Variants in DRC8 observed in about 807,000 individuals in gnomAD.
DRC8 encodes dynein regulatory complex subunit 8.
the DRC8 span, among the ~76,000 whole-genome samples, chr1:245,070,226 C>T: frequency 1.3e-5 from 2 of 152,082 alleles, no homozygotes; most frequent in African/African-American, 4.8e-5. Context: ...ATTTTCCATG[C>T]CAATATTCTA....
the DRC8 span, among the ~76,000 whole-genome samples, chr1:245,000,180 A>G: frequency 1.3e-5 from 2 of 152,214 alleles, no homozygotes; most frequent in African/African-American, 4.8e-5. Flanking sequence ...TAATGATAAA[A>G]TAGATTAGTT....
chr1:245,049,673 C>T, the DRC8 span, among the ~76,000 whole-genome samples: 8 of 152,288 alleles, frequency 5.3e-5, no homozygotes, highest in Non-Finnish European at 7.3e-5. This position sits in a 1 kb window ranked among gnomAD's most constrained non-coding sequence, Gnocchi z 4.5. Context: ...CAACAATTTG[C>T]GGCCCTGGAT....
At chr1:245,004,349 G>A in the DRC8 span, among the ~76,000 whole-genome samples, 2 of 151,724 alleles carry the variant, frequency 1.3e-5, no homozygotes, top group Non-Finnish European at 2.9e-5. Context: ...AAAAACAAAA[G>A]TATACTGACA....
the DRC8 span, among the ~76,000 whole-genome samples, chr1:245,088,162 G>A: frequency 0.015 from 2,264 of 152,284 alleles, 55 homozygotes; most frequent in African/African-American, 0.051. This position sits in a 1 kb window ranked among gnomAD's most constrained non-coding sequence, Gnocchi z 4.6. Flanking sequence ...AGTCACAATG[G>A]AAAAATATAT....
At chr1:245,041,608 G>A in the DRC8 span, among the ~76,000 whole-genome samples, 2 of 152,082 alleles carry the variant, frequency 1.3e-5, no homozygotes. Context: ...CCAAATTCGT[G>A]TTTTAAAGTC....
chr1:244,995,129 A>G, the DRC8 span, among the ~76,000 whole-genome samples: 1 of 152,070 alleles, frequency 6.6e-6, no homozygotes, highest in Non-Finnish European at 1.5e-5. Context: ...TTGGGAGGCC[A>G]AGGCGGGCAG....
the DRC8 span, chr1:244,969,804 G>A: frequency 3.0e-6 from 1 of 338,866 alleles, no homozygotes; most frequent in Non-Finnish European, 5.3e-6. Context: ...GGACGGTGAA[G>A]ACTGGACGGG....
the DRC8 span, chr1:245,087,341 T>C: frequency 2.1e-5 from 33 of 1,587,364 alleles, no homozygotes; most frequent in Non-Finnish European, 2.6e-5. Context: ...ATAACAATGA[T>C]GGTGATAGAT....
the DRC8 span, among the ~76,000 whole-genome samples, chr1:245,005,976 A>C: frequency 1.3e-5 from 2 of 152,146 alleles, no homozygotes; most frequent in Non-Finnish European, 2.9e-5. Flanking sequence ...CACTGGGAAA[A>C]AGCATTATCA....
At chr1:245,063,914 G>A in the DRC8 span, among the ~76,000 whole-genome samples, 2 of 152,202 alleles carry the variant, frequency 1.3e-5, no homozygotes, top group East Asian at 1.9e-4. Flanking sequence ...GTAGAGACGG[G>A]GTTTCACCAT....
chr1:245,019,463 C>T, the DRC8 span, among the ~76,000 whole-genome samples: 2 of 152,108 alleles, frequency 1.3e-5, no homozygotes, highest in African/African-American at 4.8e-5. Context: ...TCATAACTCA[C>T]TGTATGTAAC....
At chr1:244,981,131 C>G in the DRC8 span, among the ~76,000 whole-genome samples, 1 of 152,140 alleles carries the variant, frequency 6.6e-6, no homozygotes, top group East Asian at 1.9e-4. Flanking sequence ...TTGCAGTGAG[C>G]CGAGATCACG....
the DRC8 span, among the ~76,000 whole-genome samples, chr1:245,114,498 C>T: frequency 6.6e-6 from 1 of 151,934 alleles, no homozygotes; most frequent in African/African-American, 2.4e-5. Context: ...CTAAGATGTC[C>T]CTAGATTCCT....
chr1:245,076,134 T>C, the DRC8 span, among the ~76,000 whole-genome samples: 35 of 152,324 alleles, frequency 2.3e-4, no homozygotes, highest in African/African-American at 8.2e-4. Flanking sequence ...GGGTCTACAC[T>C]GTGGGTCGGG....
chr1:244,989,007 C>A, the DRC8 span, among the ~76,000 whole-genome samples: 1 of 152,138 alleles, frequency 6.6e-6, no homozygotes, highest in Non-Finnish European at 1.5e-5. Flanking sequence ...GTGATCTTAA[C>A]CATGACACTG....
the DRC8 span, among the ~76,000 whole-genome samples, chr1:245,003,835 C>A: frequency 6.6e-6 from 1 of 152,068 alleles, no homozygotes; most frequent in Non-Finnish European, 1.5e-5. Flanking sequence ...AACTCCTGGC[C>A]TCAAGCAATC....
At chr1:245,118,480 G>A in the DRC8 span, among the ~76,000 whole-genome samples, 4 of 152,094 alleles carry the variant, frequency 2.6e-5, no homozygotes, top group Non-Finnish European at 4.4e-5. Context: ...TTATCGGGAA[G>A]ATACTACGTG....
chr1:244,975,677 G>C, the DRC8 span, among the ~76,000 whole-genome samples: 1 of 152,026 alleles, frequency 6.6e-6, no homozygotes, highest in East Asian at 1.9e-4. Context: ...TGGCCAACAT[G>C]GTGAAACCCT....
At chr1:245,020,617 T>C in the DRC8 span, among the ~76,000 whole-genome samples, 21 of 115,946 alleles carry the variant, frequency 1.8e-4, no homozygotes, top group African/African-American at 7.4e-4. Flanking sequence ...TTCTTTCTTT[T>C]TTTTTTTTTT....
Sources: gnomAD v4.1 joint callset for allele counts (sites outside exome capture counted in the v4.1 genomes callset) on GRCh38, gnomAD v4.1.1 for gene constraint, Gnocchi (gnomAD v3.1) non-coding constraint, MANE v1.5 for transcripts, NCBI Gene and HGNC (gene_info 2026-07-23, HGNC 2026-07-21) for gene names.